OGFRL1: variants seen among roughly 807,000 people sequenced by gnomAD.
The protein encoded by OGFRL1 is opioid growth factor receptor like 1.
In OGFRL1, 26 loss-of-function variants were observed where a neutral mutation model predicts 32.4. The ratio of observed to expected loss-of-function variants is 0.80; its 90% CI spans 0.59 to 1.11. The LOEUF is 1.11. OGFRL1 is among the 50% of genes most tolerant of loss of function. OGFRL1 has a pLI of 0.00. For synonymous variants in OGFRL1, 211 were observed against 201.2 expected, an observed-to-expected ratio of 1.05 and a Z score of -0.41; for missense variants, 521 against 546.4, an observed-to-expected ratio of 0.95 and a Z score of 0.46.
intron 1 of OGFRL1, chr6:71,291,627 T>C (rs1194679004): frequency 6.6e-6 from 1 of 152,160 alleles, no homozygotes; most frequent in East Asian, 1.9e-4. Flanking sequence ...CCAAAGGGAA[T>C]AGGGGTTGGA....
At chr6:71,292,791 T>G (rs1483387048) in intron 1 of OGFRL1, among the ~76,000 whole-genome samples, 1 of 152,230 alleles carries the variant, frequency 6.6e-6, no homozygotes, top group Non-Finnish European at 1.5e-5. Context: ...CTAGTTTGTT[T>G]TAAAATCCTT....
chr6:71,296,013 A>T (rs1766196594), intron 3 of OGFRL1, among the ~76,000 whole-genome samples: 1 of 152,208 alleles, frequency 6.6e-6, no homozygotes, highest in South Asian at 2.1e-4. Context: ...GAATGTGCAT[A>T]GCTATATTCC....
In OGFRL1 at chr6:71,301,970, A is replaced by G. The variant is rs1766411387; in HGVS notation, c.1277A>G (p.Asn426Ser). Residue 426 changes from asparagine (N) to serine (S), a missense_variant, in exon 7 of 7, where the codon AAC (asparagine) becomes AGC (serine). Physicochemically the swap from Asn to Ser is conservative, Grantham distance 46 (BLOSUM62 1). Coordinates refer to ENST00000370435, the MANE Select transcript of OGFRL1 (RefSeq NM_024576.5). ...AAGGAGAGTGTATCTCCTGAGAATA[A>G]CGAAGAAGGTGGAAATGATAACCAA... ...EKKESVSPEN[N>S]EEGGNDNQDN... The G allele has an allele frequency of 3.1e-6, 5 of 1,608,238 alleles. No homozygotes were observed. In the South Asian group the frequency reaches 4.4e-5, roughly 14 times the overall value.
In OGFRL1 at chr6:71,296,809, T is replaced by C. The variant is rs2273888; in HGVS notation, c.684T>C (p.His228=). 193,891 of 1,612,442 alleles carry C rather than the reference T, an allele frequency of 0.12. 13,940 individuals are homozygous for C. Among genetic ancestry groups the C allele is most frequent in the African/African-American group, 0.28 (21,278 of 74,818 alleles). ...TTAACTGGCAGGAAAGATTTCAGCA[T>C]CTGAATGAGTAAGTAAAGCCCCTGT... The part of the protein sequence containing the change: ...RAVNWQERFQ[H]LNESQHNYLR... The change falls in exon 6 of 7, where the codon CAT becomes CAC. Residue 228 remains histidine, a synonymous_variant. Coordinates refer to ENST00000370435, the MANE Select transcript of OGFRL1 (RefSeq NM_024576.5).
At position 71,293,610 on chromosome 6, in the gene OGFRL1, T is replaced by C. The variant is rs1766115997; in HGVS notation, c.399T>C (p.Asp133=). The part of the protein sequence containing the change: ...FYKNKIPFKP[D]GVYIEEVLSK... ...AGAATAAAATTCCATTCAAGCCAGA[T>C]GGTGAGTAACGTACTACTTGATAAA... Residue 133 remains aspartate, a splice_region_variant and synonymous_variant, in exon 3 of 7, where the codon GAT becomes GAC. Transcript: ENST00000370435. 1.3e-6 allele frequency: 2 copies of C among 1,594,726 alleles called. No homozygotes were observed. Among genetic ancestry groups the C allele is most frequent in the African/African-American group, 1.3e-5 (1 of 74,480 alleles).
At chr6:71,291,096 G>T (rs1766038084) in intron 1 of OGFRL1, among the ~76,000 whole-genome samples, 1 of 152,094 alleles carries the variant, frequency 6.6e-6, no homozygotes, top group African/African-American at 2.4e-5. Context: ...AGAGGAGGAG[G>T]AGCCAAAAAA....
rs1176769805 is a variant in OGFRL1, at chr6:71,308,547, G to A, written c.*6498G>A. ...GCTCTGATTCTCCAGTGGCCACTGG[G>A]CCTTCTCTGTGCTCTGTATTCAACT... On this transcript the variant is annotated 3_prime_UTR_variant, in exon 7 of 7. Transcript: ENST00000370435. 1 of 152,104 alleles carries A rather than the reference G, an allele frequency of 6.6e-6. No individual in the cohort carries two copies. The highest frequency in any genetic ancestry group is 1.5e-5 in the Non-Finnish European group (1 of 68,018). The allele number at this position is 152,104 out of a possible 1,614,324, so 9.4% of individuals were successfully genotyped here. A position where few individuals can be genotyped will look rare whatever the true frequency, so the allele number is the denominator to read the frequency against.
At position 71,296,790 on chromosome 6, in the gene OGFRL1, G is replaced by A; in HGVS notation, c.665G>A (p.Trp222Ter). The A allele has an allele frequency of 6.2e-7, 1 of 1,613,166 alleles. No homozygotes were observed. Among genetic ancestry groups the A allele is most frequent in the Non-Finnish European group, 8.5e-7 (1 of 1,179,514 alleles). The stretch of plus-strand genomic sequence containing the variant: ...GGAAATGTTGCTCGGGCTGTTAACT[G>A]GCAGGAAAGATTTCAGCATCTGAAT... Reference protein sequence around the residue: ...KTGNVARAVNWQERFQHLNES... With the variant: ...KTGNVARAVN Residue 222 changes from tryptophan to a stop codon, truncating the protein, a stop_gained, in exon 6 of 7, where the codon TGG becomes TAG. Transcript: ENST00000370435. LOFTEE classifies it low-confidence loss of function (END_TRUNC).
At chr6:71,299,757 G>C (rs983390960) in intron 6 of OGFRL1, among the ~76,000 whole-genome samples, 1 of 152,134 alleles carries the variant, frequency 6.6e-6, no homozygotes, top group Non-Finnish European at 1.5e-5. Flanking sequence ...TGTCTTAACT[G>C]TACCCAAATT....
chr6:71,298,673 T>C (rs1299116544), intron 6 of OGFRL1, among the ~76,000 whole-genome samples: 2 of 152,206 alleles, frequency 1.3e-5, no homozygotes, highest in African/African-American at 4.8e-5. Flanking sequence ...CCACCTATTG[T>C]CAGCATAGAG....
chr6:71,289,301 T>G (rs2149350291), intron 1 of OGFRL1, 131 bp downstream of exon 1: 1 of 1,009,118 alleles, frequency 9.9e-7, no homozygotes, highest in East Asian at 1.0e-4. Flanking sequence ...ACCCGACCCC[T>G]CCGCGCCGCG....
chr6:71,289,893 C>A (rs1254642464), intron 1 of OGFRL1: 2 of 884,502 alleles, frequency 2.3e-6, no homozygotes, highest in African/African-American at 1.8e-5. Flanking sequence ...ATGTAGCCGA[C>A]CCCCTGAAGA....
chr6:71,298,728 ACT>A (rs1017313343), intron 6 of OGFRL1, among the ~76,000 whole-genome samples: 2 of 152,034 alleles, frequency 1.3e-5, no homozygotes, highest in African/African-American at 2.4e-5. Flanking sequence ...GCCAGAAAAC[ACT>A]CTGTTTCTTC....
rs1766543212 is a variant in OGFRL1, at chr6:71,306,087, T to C, written c.*4038T>C. 6.6e-6 allele frequency: 1 copy of C among 152,308 alleles called. No homozygotes were observed. Among genetic ancestry groups the C allele is most frequent in the Non-Finnish European group, 1.5e-5 (1 of 68,022 alleles). 9.4% of individuals were successfully genotyped at this position (152,308 alleles called of 1,614,324 possible). ...GCGATCCTCTGTTGTAGGAATGTTTTTGAAGATTTCTATTTTGTTTTCCAC... is the reference window on the plus strand; with the variant it reads ...GCGATCCTCTGTTGTAGGAATGTTTCTGAAGATTTCTATTTTGTTTTCCAC... On this transcript the variant is annotated 3_prime_UTR_variant, in exon 7 of 7. Coordinates refer to ENST00000370435, the MANE Select transcript of OGFRL1 (RefSeq NM_024576.5).
chr6:71,292,790 T>C (rs995580095), intron 1 of OGFRL1, among the ~76,000 whole-genome samples: 20 of 152,190 alleles, frequency 1.3e-4, no homozygotes, highest in African/African-American at 4.8e-4. Context: ...GCTAGTTTGT[T>C]TTAAAATCCT....
chr6:71,294,608 C>A (rs1056223321), intron 3 of OGFRL1, among the ~76,000 whole-genome samples: 1 of 152,196 alleles, frequency 6.6e-6, no homozygotes, highest in Non-Finnish European at 1.5e-5. Flanking sequence ...TTGAGAACAT[C>A]GTTGACGTGG....
At position 71,307,450 on chromosome 6, in the gene OGFRL1, T is replaced by C. The variant is rs137923829; in HGVS notation, c.*5401T>C. 4.3e-3 allele frequency: 659 copies of C among 152,294 alleles called. 4 individuals are homozygous for C. Among genetic ancestry groups the C allele is most frequent in the African/African-American group, 0.015 (622 of 41,562 alleles). The allele number at this position is 152,294 out of a possible 1,614,324, so 9.4% of individuals were successfully genotyped here. On this transcript the variant is annotated 3_prime_UTR_variant, in exon 7 of 7. Coordinates refer to ENST00000370435, the MANE Select transcript of OGFRL1 (RefSeq NM_024576.5). ...GCAGTTGGGCATTAGTAAATTGTAGTTATATCTTAACGATCTTGGGAATCA... is the reference window on the plus strand; with the variant it reads ...GCAGTTGGGCATTAGTAAATTGTAGCTATATCTTAACGATCTTGGGAATCA...
chr6:71,300,160 A>G (rs1766337095), intron 6 of OGFRL1, among the ~76,000 whole-genome samples: 1 of 152,214 alleles, frequency 6.6e-6, no homozygotes, highest in African/African-American at 2.4e-5. Context: ...TGTCTGAGAT[A>G]TAAAACAGGC....
chr6:71,299,406 A>C (rs76618087), intron 6 of OGFRL1, among the ~76,000 whole-genome samples: 2,435 of 152,226 alleles, frequency 0.016, 23 homozygotes, highest in Middle Eastern at 0.024. Context: ...GTTCTGGGAT[A>C]CTCATCATCA....
Sources: gnomAD v4.1 joint callset for allele counts (sites outside exome capture counted in the v4.1 genomes callset) on GRCh38, gnomAD v4.1.1 for gene constraint, MANE v1.5 for transcripts, NCBI Gene and HGNC (gene_info 2026-07-23, HGNC 2026-07-21) for gene names.